GPC5: variants seen among roughly 807,000 people sequenced by gnomAD.
GPC5 encodes the protein glypican 5, also known as glypican-5.
GPC5 carries 47 observed loss-of-function variants against 53.9 expected under a neutral mutation model. That is an observed-to-expected ratio of 0.87 (90% CI 0.69 to 1.11). The LOEUF is 1.11. Ranked by LOEUF, GPC5 falls within the 50% of genes most tolerant of loss-of-function variation. GPC5 has a pLI of 0.00. For synonymous variants in GPC5, 286 were observed against 263.3 expected (o/e 1.09, Z -0.84); for missense variants, 748 against 713.1 (o/e 1.05, Z -0.56).
At chr13:92,177,527 G>A (rs1183765926) in intron 7 of GPC5, among the ~76,000 whole-genome samples, 1 of 151,210 alleles carries the variant, frequency 6.6e-6, no homozygotes. Context: ...GCTCTTTTTT[G>A]CTCTTTTATA....
At chr13:91,921,233 G>T (rs376023676) in intron 6 of GPC5, among the ~76,000 whole-genome samples, 8 of 151,944 alleles carry the variant, frequency 5.3e-5, no homozygotes, top group African/African-American at 1.9e-4. Context: ...CGTCACTCCC[G>T]GACCAATTTT....
intron 7 of GPC5, among the ~76,000 whole-genome samples, chr13:92,427,444 TA>T (rs1876886110): frequency 6.8e-6 from 1 of 147,066 alleles, no homozygotes; most frequent in South Asian, 2.2e-4. Flanking sequence ...AGCTCGGATA[TA>T]AAATCTTAAA....
intron 7 of GPC5, among the ~76,000 whole-genome samples, chr13:92,794,961 T>A (rs1151469): frequency 1 from 152,079 of 152,288 alleles, 75,935 homozygotes; most frequent in Middle Eastern, 1. Flanking sequence ...CATACTGCCC[T>A]AGGTAACTTA....
intron 6 of GPC5, among the ~76,000 whole-genome samples, chr13:92,104,029 T>G (rs999853740): frequency 8.5e-5 from 13 of 152,272 alleles, no homozygotes; most frequent in African/African-American, 2.9e-4. Flanking sequence ...ACTGATTGTT[T>G]TTGGCAAATA....
At chr13:92,511,240 AT>A (rs1266586860) in intron 7 of GPC5, among the ~76,000 whole-genome samples, 2 of 152,134 alleles carry the variant, frequency 1.3e-5, no homozygotes, top group African/African-American at 4.8e-5. Flanking sequence ...ATAGATTTCT[AT>A]CTATCATCTC....
chr13:92,601,554 C>CAAAAAAA (rs57333686), intron 7 of GPC5, among the ~76,000 whole-genome samples: 3 of 67,386 alleles, frequency 4.5e-5, no homozygotes, highest in Non-Finnish European at 6.5e-5. Context: ...GACTCCATCT[C>CAAAAAAA]AAAAAAAAAA....
At chr13:92,000,939 G>C (rs1283695568) in intron 6 of GPC5, among the ~76,000 whole-genome samples, 1 of 152,122 alleles carries the variant, frequency 6.6e-6, no homozygotes, top group African/African-American at 2.4e-5. Context: ...TGGAGAATAG[G>C]TAACAGCCAC....
chr13:92,044,255 A>G (rs551810068), intron 6 of GPC5, among the ~76,000 whole-genome samples: 2 of 152,216 alleles, frequency 1.3e-5, no homozygotes, highest in African/African-American at 2.4e-5. Context: ...ACAACAGACT[A>G]TTCTTCATAA....
At chr13:92,705,234 T>C (rs908985272) in intron 7 of GPC5, among the ~76,000 whole-genome samples, 2 of 152,238 alleles carry the variant, frequency 1.3e-5, no homozygotes, top group East Asian at 3.9e-4. Flanking sequence ...TTGAATTTAG[T>C]GTAGTAAGGT....
chr13:91,403,020 A>G (rs1183831089), intron 1 of GPC5, among the ~76,000 whole-genome samples: 13 of 152,198 alleles, frequency 8.5e-5, no homozygotes, highest in African/African-American at 3.1e-4. Context: ...TAGTGCTTCT[A>G]AGGTGGTTTA....
intron 2 of GPC5, among the ~76,000 whole-genome samples, chr13:91,474,350 A>G (rs1882804076): frequency 6.6e-6 from 1 of 152,130 alleles, no homozygotes; most frequent in Admixed American, 6.6e-5. Flanking sequence ...TATTAGCTAA[A>G]CTATTAACTT....
At chr13:92,603,831 C>T (rs1884163257) in intron 7 of GPC5, among the ~76,000 whole-genome samples, 1 of 152,150 alleles carries the variant, frequency 6.6e-6, no homozygotes, top group South Asian at 2.1e-4. Flanking sequence ...TTCTCCATAG[C>T]CAAAACTACA....
At chr13:92,752,445 A>T (rs893819637) in intron 7 of GPC5, among the ~76,000 whole-genome samples, 1 of 152,204 alleles carries the variant, frequency 6.6e-6, no homozygotes, top group Non-Finnish European at 1.5e-5. Flanking sequence ...TTGTAAAGGT[A>T]AAAAAGAGTG....
At chr13:91,939,549 A>G (rs556743384) in intron 6 of GPC5, among the ~76,000 whole-genome samples, 2 of 152,178 alleles carry the variant, frequency 1.3e-5, no homozygotes, top group Admixed American at 6.6e-5. Context: ...CTTGACTTAC[A>G]TGTGTATAGT....
chr13:91,829,886 G>T (rs1040884433), intron 5 of GPC5, among the ~76,000 whole-genome samples: 1 of 152,054 alleles, frequency 6.6e-6, no homozygotes, highest in Non-Finnish European at 1.5e-5. Flanking sequence ...CAAGGTCATA[G>T]AATATCACAA....
At chr13:91,995,166 G>A (rs7339088) in intron 6 of GPC5, 61,247 of 151,394 alleles carry the variant, frequency 0.4, 14,387 homozygotes, top group East Asian at 0.75. Flanking sequence ...TAGAGACGGG[G>A]TTTCACTGTG....
chr13:92,675,799 C>T (rs1886918861), intron 7 of GPC5, among the ~76,000 whole-genome samples: 1 of 152,044 alleles, frequency 6.6e-6, no homozygotes, highest in South Asian at 2.1e-4. Context: ...TATAGCAGAG[C>T]TTTGGTCTTA....
chr13:92,179,622 T>A (rs1266224535), intron 7 of GPC5, among the ~76,000 whole-genome samples: 1 of 152,220 alleles, frequency 6.6e-6, no homozygotes, highest in Non-Finnish European at 1.5e-5. Context: ...CTCATAATCT[T>A]CGTAGGCTAC....
intron 5 of GPC5, among the ~76,000 whole-genome samples, chr13:91,814,542 TTTA>T (rs1464811520): frequency 6.6e-6 from 1 of 151,938 alleles, no homozygotes; most frequent in East Asian, 1.9e-4. Context: ...TATTTATTTA[TTTA>T]TTTATTTATT....
Sources: allele counts gnomAD v4.1 joint callset (sites outside exome capture counted in the v4.1 genomes callset), GRCh38; gene constraint gnomAD v4.1.1; transcripts MANE v1.5; gene names NCBI Gene and HGNC (gene_info 2026-07-23, HGNC 2026-07-21).